GLRA1: variants seen among roughly 807,000 people sequenced by gnomAD.
The protein encoded by GLRA1 is glycine receptor alpha 1, also known as glycine receptor subunit alpha-1.
In GLRA1, 37 loss-of-function variants were observed where a neutral mutation model predicts 48.3. The ratio of observed to expected loss-of-function variants is 0.77; its 90% CI spans 0.59 to 1.01. The LOEUF (loss-of-function observed/expected upper bound fraction) is 1.01, where lower values mean the gene tolerates loss of function less well. GLRA1 is among the 50% of genes least tolerant of loss of function. The pLI, the probability that GLRA1 is intolerant of heterozygous loss-of-function variation, is 0.00. For missense variants in GLRA1, 427 were observed against 571.0 expected, an observed-to-expected ratio of 0.75 and a Z score of 2.57; for synonymous variants, 196 against 210.7, an observed-to-expected ratio of 0.93 and a Z score of 0.60.
intron 8 of GLRA1, among the ~76,000 whole-genome samples, chr5:151,827,671 A>G (rs1233132822): frequency 1.3e-5 from 2 of 152,076 alleles, no homozygotes; most frequent in Non-Finnish European, 2.9e-5. Context: ...GTTTTGTTTT[A>G]TTTTATTTTT....
intron 3 of GLRA1, among the ~76,000 whole-genome samples, chr5:151,886,446 A>G (rs1753909225): frequency 6.6e-6 from 1 of 152,208 alleles, no homozygotes; most frequent in East Asian, 1.9e-4. Flanking sequence ...TTTTACTCTA[A>G]AAATTTGACT....
chr5:151,848,776 G>A (rs985713904), intron 7 of GLRA1: 2 of 315,564 alleles, frequency 6.3e-6, no homozygotes, highest in South Asian at 5.1e-5. Context: ...GAAGAGCGGA[G>A]TGTGTGAGCA....
chr5:151,866,371 C>G (rs146177727), intron 3 of GLRA1, among the ~76,000 whole-genome samples: 1 of 152,156 alleles, frequency 6.6e-6, no homozygotes, highest in Non-Finnish European at 1.5e-5. Context: ...CCACCTCTAC[C>G]CCCACTGTGC....
intron 7 of GLRA1, among the ~76,000 whole-genome samples, chr5:151,851,094 A>G (rs73285940): frequency 0.02 from 3,057 of 152,238 alleles, 99 homozygotes; most frequent in African/African-American, 0.064. Context: ...TGAATGGAGG[A>G]GAATGTGAAG....
At chr5:151,864,064 T>G (rs1415364181) in intron 3 of GLRA1, among the ~76,000 whole-genome samples, 1 of 152,164 alleles carries the variant, frequency 6.6e-6, no homozygotes, top group Non-Finnish European at 1.5e-5. Context: ...TAACTCCCAT[T>G]CTGGTCCCAT....
intron 1 of GLRA1, among the ~76,000 whole-genome samples, chr5:151,894,326 A>G (rs1376556469): frequency 6.6e-6 from 1 of 152,018 alleles, no homozygotes; most frequent in Non-Finnish European, 1.5e-5. Flanking sequence ...ATCTGTCACC[A>G]CCCTGGCCTC....
chr5:151,827,027 C>CTTTTTTTTTT (rs1581595767), intron 8 of GLRA1, among the ~76,000 whole-genome samples: 2 of 100,188 alleles, frequency 2.0e-5, no homozygotes, highest in African/African-American at 7.2e-5. Context: ...TTCTTTCTTT[C>CTTTTTTTTTT]TGTTTTTTTT....
At chr5:151,849,391 C>CTTTCA (rs1561554964) in intron 7 of GLRA1, among the ~76,000 whole-genome samples, 2 of 4,628 alleles carry the variant, frequency 4.3e-4, no homozygotes, top group African/African-American at 2.8e-3. Flanking sequence ...CTTTCCTTTC[C>CTTTCA]TTTCCTTTCC....
chr5:151,877,260 C>T (rs1182881930), intron 3 of GLRA1, among the ~76,000 whole-genome samples: 2 of 152,088 alleles, frequency 1.3e-5, no homozygotes, highest in Non-Finnish European at 2.9e-5. Context: ...AAAGCAGTCC[C>T]GGAGAGCCCT....
At chr5:151,918,729 T>C (rs1754797064) in intron 1 of GLRA1, among the ~76,000 whole-genome samples, 1 of 152,202 alleles carries the variant, frequency 6.6e-6, no homozygotes, top group Non-Finnish European at 1.5e-5. Flanking sequence ...CAAAAGAAGC[T>C]TGAATTCCTT....
chr5:151,908,810 C>T (rs894871639), intron 1 of GLRA1, among the ~76,000 whole-genome samples: 8 of 152,196 alleles, frequency 5.3e-5, no homozygotes, highest in African/African-American at 1.9e-4. Context: ...CCCATTGTGG[C>T]TGTGATTTGG....
At chr5:151,919,104 G>A (rs1247964061) in intron 1 of GLRA1, among the ~76,000 whole-genome samples, 1 of 152,124 alleles carries the variant, frequency 6.6e-6, no homozygotes, top group Non-Finnish European at 1.5e-5. Context: ...TAACTAAAAA[G>A]AATCACATAT....
intron 5 of GLRA1, 40 bp downstream of exon 5, chr5:151,856,261 G>T (rs1179389624): frequency 7.3e-7 from 1 of 1,377,508 alleles, no homozygotes. Context: ...GGGTAAAAAG[G>T]AGCCTGGTTC....
intron 1 of GLRA1, among the ~76,000 whole-genome samples, chr5:151,900,126 G>A (rs908554538): frequency 6.6e-6 from 1 of 152,112 alleles, no homozygotes; most frequent in South Asian, 2.1e-4. Context: ...CTTATCGTAT[G>A]TATCCCCACA....
intron 1 of GLRA1, among the ~76,000 whole-genome samples, chr5:151,894,034 C>T (rs1467383260): frequency 1.3e-5 from 2 of 152,122 alleles, no homozygotes; most frequent in Non-Finnish European, 2.9e-5. Context: ...ACTGAGCTTT[C>T]CTAGTACTGA....
intron 7 of GLRA1, among the ~76,000 whole-genome samples, chr5:151,832,483 G>A (rs762023512): frequency 9.2e-5 from 14 of 152,098 alleles, no homozygotes; most frequent in Admixed American, 2.6e-4. Context: ...AAAACACAGC[G>A]CAAGAACTTC....
chr5:151,918,360 A>T (rs1197824452), intron 1 of GLRA1, among the ~76,000 whole-genome samples: 1 of 152,176 alleles, frequency 6.6e-6, no homozygotes, highest in African/African-American at 2.4e-5. Flanking sequence ...TGTGAACACC[A>T]TCCGGTGCCT....
chr5:151,834,300 T>C (rs557060106), intron 7 of GLRA1, among the ~76,000 whole-genome samples: 1 of 152,124 alleles, frequency 6.6e-6, no homozygotes, highest in East Asian at 1.9e-4. Context: ...ACAATCAAAT[T>C]GAAACTCAGG....
At chr5:151,833,548 C>T (rs1228129883) in intron 7 of GLRA1, among the ~76,000 whole-genome samples, 1 of 152,128 alleles carries the variant, frequency 6.6e-6, no homozygotes, top group Non-Finnish European at 1.5e-5. Flanking sequence ...GCCAAATCCT[C>T]CGCCTCCTGG....
Sources: allele counts gnomAD v4.1 joint callset (sites outside exome capture counted in the v4.1 genomes callset), GRCh38; gene constraint gnomAD v4.1.1; transcripts MANE v1.5; gene names NCBI Gene and HGNC (gene_info 2026-07-23, HGNC 2026-07-21).